A2ML1: variants seen among roughly 807,000 people sequenced by gnomAD.
The protein encoded by A2ML1 is alpha-2-macroglobulin-like protein 1.
A neutral mutation model predicts 181.9 loss-of-function variants in A2ML1; 161 were observed. The observed-to-expected ratio is 0.89, with a 90% confidence interval of 0.78 to 1.01. The LOEUF is 1.01. Among genes scored for constraint, A2ML1 ranks in the 50% least tolerant of loss-of-function variants. The pLI is 0.00. For synonymous variants in A2ML1, 663 were observed against 666.8 expected (o/e 0.99, Z 0.09); for missense variants, 1,670 against 1,768.1 (o/e 0.94, Z 1.00).
intron 2 of A2ML1, 155 bp from the exon 3 acceptor site, chr12:8,823,565 C>A (rs1335841432): frequency 1.1e-5 from 12 of 1,080,300 alleles, no homozygotes; most frequent in Non-Finnish European, 1.6e-5. Context: ...TAGTTCCTGA[C>A]CTTAATTCTT....
chr12:8,834,685 A>G lies in A2ML1; in HGVS notation c.483+3A>G, dbSNP rs749336575. ...AGTACTCCATGGTGGAACTACAGGT[A>G]AGCGGAAGTTTCTTTCTCTTCTCTG... On this transcript the variant is annotated splice_donor_region_variant and intron_variant, in intron 5 of 35. Coordinates refer to ENST00000299698, the MANE Select transcript of A2ML1 (RefSeq NM_144670.6). 1 of 1,614,218 alleles carries G rather than the reference A, an allele frequency of 6.2e-7. No homozygotes were observed. Among genetic ancestry groups the G allele is most frequent in the South Asian group, 1.1e-5 (1 of 91,076 alleles).
rs186373929 is a variant in A2ML1, at chr12:8,857,026, G to A, written c.2849-138G>A. On this transcript the variant is annotated intron_variant, in intron 23 of 35. Transcript: ENST00000299698. ...CTCCCATACTGCTGGAATTACAGGC[G>A]TGAGCCACCACGCCCGGCCCATAGT... 91 of 795,870 alleles carry A rather than the reference G, an allele frequency of 1.1e-4. No homozygotes were observed. The African/African-American group carries it at 1.4e-3, about 12-fold the overall frequency. 49.3% of individuals were successfully genotyped at this position (795,870 alleles called of 1,614,324 possible). A position where few individuals can be genotyped will look rare whatever the true frequency, so the allele number is the denominator to read the frequency against.
At chr12:8,885,487 TCA>T (rs1944913457) in intron 7 of A2ML1, among the ~76,000 whole-genome samples, 2 of 152,288 alleles carry the variant, frequency 1.3e-5, no homozygotes, top group East Asian at 3.9e-4. Context: ...TCTCACTCTC[TCA>T]CTCTGTCACC....
At chr12:8,846,481 G>T (rs1473416265) in intron 14 of A2ML1, among the ~76,000 whole-genome samples, 1 of 152,136 alleles carries the variant, frequency 6.6e-6, no homozygotes, top group Non-Finnish European at 1.5e-5. Context: ...AAGGCAGAGG[G>T]ATTTCTTTAG....
chr12:8,867,746 A>C, intron 29 of A2ML1, 96 bp from the exon 30 acceptor site: 1 of 1,096,286 alleles, frequency 9.1e-7, no homozygotes, highest in Non-Finnish European at 1.4e-6. Context: ...CATCCAAGCC[A>C]ACTAACAACA....
At chr12:8,865,565 AC>A (rs1367459468) in intron 29 of A2ML1, among the ~76,000 whole-genome samples, 17 of 152,222 alleles carry the variant, frequency 1.1e-4, no homozygotes, top group African/African-American at 4.1e-4. Flanking sequence ...AACAACAACA[AC>A]AACAATTTTA....
At chr12:8,873,592 A>C (rs1944701054) in intron 33 of A2ML1, among the ~76,000 whole-genome samples, 1 of 150,654 alleles carries the variant, frequency 6.6e-6, no homozygotes, top group Non-Finnish European at 1.5e-5. Context: ...AATTACATGT[A>C]TATGTGTATA....
intron 14 of A2ML1, among the ~76,000 whole-genome samples, chr12:8,846,810 C>CAAA (rs199881026): frequency 1.2e-4 from 15 of 130,254 alleles, no homozygotes; most frequent in Non-Finnish European, 1.6e-4. Flanking sequence ...GACTCTGTCT[C>CAAA]AAAAAAAAAA....
intron 28 of A2ML1, among the ~76,000 whole-genome samples, chr12:8,862,816 G>A (rs748745263): frequency 1.0e-3 from 2 of 1,946 alleles, no homozygotes; most frequent in African/African-American, 1.1e-3. Context: ...GCAAGCTCAC[G>A]TTTCCTGTTA....
At chr12:8,870,108 G>A (rs1944567937) in intron 33 of A2ML1, among the ~76,000 whole-genome samples, 2 of 152,032 alleles carry the variant, frequency 1.3e-5, no homozygotes, top group Admixed American at 6.6e-5. Flanking sequence ...TATCCTTATT[G>A]AATATAACCA....
chr12:8,869,115 TTTCTCC>T lies in A2ML1; in HGVS notation c.4153-19_4153-14del. ...AGGCTCTGGCTCTTAGTATCTTTTT[TTTCTCC>T]CTCTCTTATTCAGCTTCTCCAGCAA... On this transcript the variant is annotated splice_polypyrimidine_tract_variant and intron_variant, in intron 32 of 35. Coordinates refer to ENST00000299698, the MANE Select transcript of A2ML1 (RefSeq NM_144670.6). The T allele has an allele frequency of 6.2e-7, 1 of 1,613,854 alleles. No homozygotes were observed.
At chr12:8,875,441 T>TC (rs1944770934) in intron 35 of A2ML1, 1 of 83,596 alleles carries the variant, frequency 1.2e-5, no homozygotes, top group East Asian at 2.8e-4. Flanking sequence ...GTCTTAAACT[T>TC]TTTTTTTTTT....
At chr12:8,843,423 C>G in intron 12 of A2ML1, 62 bp downstream of exon 12, 1 of 1,533,780 alleles carries the variant, frequency 6.5e-7, no homozygotes. Flanking sequence ...TGAGAAGAGT[C>G]AGCCAGAGGG....
Position 8,849,665 on chromosome 12 carries a change from T to G in A2ML1, c.2029-4T>G. ...TTAATACTTATTTCTCTGATGCCTA[T>G]CAGGACGTGGGCCTGAAAATACTGT... On this transcript the variant is annotated splice_region_variant and splice_polypyrimidine_tract_variant and intron_variant, in intron 16 of 35. Coordinates refer to ENST00000299698, the MANE Select transcript of A2ML1 (RefSeq NM_144670.6). 1.2e-6 allele frequency: 2 copies of G among 1,613,956 alleles called. No homozygotes were observed. The highest frequency in any genetic ancestry group is 1.7e-6 in the Non-Finnish European group (2 of 1,179,828).
rs144876785 is a variant in A2ML1 at position 8,867,913 on chromosome 12, C to G, written c.3789C>G (p.Asn1263Lys). The G allele has an allele frequency of 5.7e-4, 913 of 1,614,236 alleles. 5 individuals are homozygous for G. The African/African-American group carries it at 0.011, about 20-fold the overall frequency. Residue 1263 changes from asparagine (N) to lysine (K), a missense_variant, in exon 30 of 36, where the codon AAC becomes AAG. Coordinates refer to ENST00000299698, the MANE Select transcript of A2ML1 (RefSeq NM_144670.6). ...TTAYMPSEEI[N>K]LVVKSTENFQ... ...CCTACATGCCATCTGAGGAGATCAA[C>G]CTGGTTGTAAAATCCACTGAGAATT...
intron 22 of A2ML1, 64 bp from the exon 23 acceptor site, chr12:8,855,445 T>G (rs1592140696): frequency 6.7e-7 from 1 of 1,481,816 alleles, no homozygotes; most frequent in East Asian, 2.3e-5. Context: ...TCTAAAATTT[T>G]GTCTTGAGAA....
chr12:8,869,784 G>C (rs1944558120), intron 33 of A2ML1, among the ~76,000 whole-genome samples: 1 of 152,142 alleles, frequency 6.6e-6, no homozygotes, highest in African/African-American at 2.4e-5. Flanking sequence ...TGAGTAACTG[G>C]ACAAGCTGTT....
chr12:8,834,506 T>C (rs776166387), intron 4 of A2ML1, among the ~76,000 whole-genome samples, 156 bp from the exon 5 acceptor site: 52 of 152,356 alleles, frequency 3.4e-4, no homozygotes, highest in African/African-American at 1.2e-3. Flanking sequence ...CCCATTGTTA[T>C]TCTTTTCAGG....
chr12:8,873,511 C>T (rs1227787330), intron 33 of A2ML1, among the ~76,000 whole-genome samples: 1 of 152,084 alleles, frequency 6.6e-6, no homozygotes, highest in Non-Finnish European at 1.5e-5. Flanking sequence ...GCAATGAAAA[C>T]AATAGATATG....
Sources: allele counts gnomAD v4.1 joint callset (sites outside exome capture counted in the v4.1 genomes callset), GRCh38; gene constraint gnomAD v4.1.1; transcripts MANE v1.5; gene names NCBI Gene and HGNC (gene_info 2026-07-23, HGNC 2026-07-21).